STRA6: variants seen among roughly 807,000 people sequenced by gnomAD.
STRA6 encodes the protein receptor for retinol uptake STRA6.
STRA6 carries 48 observed loss-of-function variants against 83.6 expected under a neutral mutation model. That is an observed-to-expected ratio of 0.57 (90% CI 0.46 to 0.73). STRA6 has a LOEUF of 0.73. Ranked by LOEUF, STRA6 falls within the 30% of genes least tolerant of loss-of-function variation. The probability of loss-of-function intolerance (pLI) is 0.00; values close to 1 mark genes in which losing one functional copy is unlikely to be tolerated. For missense variants in STRA6, 760 were observed against 838.8 expected (o/e 0.91, Z 1.16); for synonymous variants, 353 against 362.3 (o/e 0.97, Z 0.29).
chr15:74,209,559 GA>G, upstream of STRA6: 42 of 889,910 alleles, frequency 4.7e-5, no homozygotes, highest in Middle Eastern at 2.4e-4. Flanking sequence ...CAGGGGAAGT[GA>G]AAAAGGCCCC....
upstream of STRA6, among the ~76,000 whole-genome samples, chr15:74,211,802 C>T (rs2074371585): frequency 1.3e-5 from 2 of 152,132 alleles, no homozygotes; most frequent in South Asian, 4.1e-4. Flanking sequence ...CTGTTTCACC[C>T]TCTCTGTGTC....
intron 8 of STRA6, chr15:74,191,725 A>C: frequency 1.7e-6 from 1 of 594,602 alleles, no homozygotes; most frequent in East Asian, 2.8e-5. Context: ...AGAACCATCA[A>C]TGCCAGGAAG....
At chr15:74,181,591 AC>A (rs2072994013) in intron 16 of STRA6, 133 bp from the exon 17 acceptor site, 30 of 1,258,376 alleles carry the variant, frequency 2.4e-5, no homozygotes, top group Non-Finnish European at 3.1e-5. Flanking sequence ...TCTTCTGTGC[AC>A]CCCACCCTGG....
rs764925422 is a variant in STRA6 at position 74,196,054 on chromosome 15, G to A, written c.360C>T (p.Asp120=). 2.5e-6 allele frequency: 4 copies of A among 1,613,868 alleles called. No homozygotes were observed. The highest frequency in any genetic ancestry group is 2.2e-5 in the South Asian group (2 of 91,066). ...GAGTCAGGAAGGGCAATGCGTCCTC[G>A]TCGGGGAGCAGCAAACACAGGGAGC... ...LLSSLCLLLP[D]EDALPFLTLA... Residue 120 remains aspartate (D), a synonymous_variant, in exon 5 of 19, where the codon GAC becomes GAT. Transcript: ENST00000395105.
chr15:74,203,908 G>A, upstream of STRA6, among the ~76,000 whole-genome samples: 1 of 152,092 alleles, frequency 6.6e-6, no homozygotes, highest in East Asian at 1.9e-4. Context: ...TCAGGATGGG[G>A]ATGGGGGTGG....
intron 7 of STRA6, chr15:74,194,808 C>A: frequency 7.7e-7 from 1 of 1,304,870 alleles, no homozygotes; most frequent in Non-Finnish European, 9.7e-7. Flanking sequence ...AAAGCCTGTA[C>A]CATCACTCTT....
chr15:74,184,516 G>A (rs533113539), intron 13 of STRA6, among the ~76,000 whole-genome samples: 30 of 152,316 alleles, frequency 2.0e-4, no homozygotes, highest in African/African-American at 7.2e-4. Flanking sequence ...AAGGTGGCAT[G>A]GCGAGACCCG....
chr15:74,182,312 C>T, intron 15 of STRA6, 31 bp downstream of exon 15: 1 of 1,613,916 alleles, frequency 6.2e-7, no homozygotes, highest in African/African-American at 1.3e-5. Flanking sequence ...TCTAAGGAGT[C>T]CCTGAGCCCT....
chr15:74,184,285 G>A (rs540786150), intron 13 of STRA6, among the ~76,000 whole-genome samples: 1 of 152,346 alleles, frequency 6.6e-6, no homozygotes, highest in South Asian at 2.1e-4. Context: ...ACACAGCACA[G>A]CCAACAGGTA....
chr15:74,205,365 TCAGGAAAC>T (rs2074237083), upstream of STRA6, among the ~76,000 whole-genome samples: 2 of 152,052 alleles, frequency 1.3e-5, no homozygotes, highest in South Asian at 4.1e-4. Flanking sequence ...GGGGAGGGCC[TCAGGAAAC>T]CCACAATCGT....
In STRA6 at chr15:74,180,054, G is replaced by A. The variant is rs2072896093; in HGVS notation, c.*26C>T. 1.2e-6 allele frequency: 2 copies of A among 1,608,198 alleles called. No homozygotes were observed. Among genetic ancestry groups the A allele is most frequent in the Non-Finnish European group, 1.7e-6 (2 of 1,175,550 alleles). Reference sequence around the variant, plus strand: ...GCAGGAACATGCCTCAGCACAGATGGGCAGGTGGGTTGACCTTCCCTGCCC... The same window carrying A: ...GCAGGAACATGCCTCAGCACAGATGAGCAGGTGGGTTGACCTTCCCTGCCC... On this transcript the variant is annotated 3_prime_UTR_variant, in exon 19 of 19. Coordinates refer to ENST00000395105, the MANE Select transcript of STRA6 (RefSeq NM_022369.4).
chr15:74,207,232 C>T (rs1464874582), upstream of STRA6, among the ~76,000 whole-genome samples: 3 of 152,290 alleles, frequency 2.0e-5, no homozygotes, highest in East Asian at 5.8e-4. Context: ...AACAGCAGGC[C>T]AGAAGGAATG....
intron 5 of STRA6, 149 bp from the exon 6 acceptor site, chr15:74,195,824 G>T: frequency 1.0e-6 from 1 of 986,874 alleles, no homozygotes; most frequent in Non-Finnish European, 1.5e-6. Context: ...GGGCTAATAT[G>T]CATACTTTGT....
chr15:74,193,560 G>T (rs2073653655), intron 8 of STRA6, among the ~76,000 whole-genome samples: 1 of 152,170 alleles, frequency 6.6e-6, no homozygotes, highest in South Asian at 2.1e-4. Context: ...GTTCTGCTTT[G>T]TTAAGTCCCT....
At chr15:74,203,086 C>T (rs1232294353), upstream of STRA6, 9 of 985,488 alleles carry the variant, frequency 9.1e-6, no homozygotes, top group East Asian at 5.7e-4. Flanking sequence ...ACCAGCATTA[C>T]AGCAACAACC....
intron 11 of STRA6, among the ~76,000 whole-genome samples, chr15:74,190,511 A>T (rs1168595559): frequency 1.3e-5 from 2 of 152,076 alleles, no homozygotes; most frequent in Non-Finnish European, 2.9e-5. Context: ...GAGGAAAATT[A>T]TTCTATTTTC....
chr15:74,193,976 G>A (rs2073682317), intron 7 of STRA6, 54 bp from the exon 8 acceptor site: 2 of 1,603,524 alleles, frequency 1.2e-6, no homozygotes, highest in African/African-American at 1.3e-5. Context: ...CCCCAGCCAA[G>A]AACCAGAATC....
At chr15:74,181,029 G>C in intron 17 of STRA6, 92 bp from the exon 18 acceptor site, 1 of 1,543,056 alleles carries the variant, frequency 6.5e-7, no homozygotes, top group Non-Finnish European at 8.8e-7. Flanking sequence ...GGGAGTGCAC[G>C]TGCACTCCCT....
At chr15:74,185,530 G>A (rs893864997) in intron 12 of STRA6, among the ~76,000 whole-genome samples, 5 of 152,226 alleles carry the variant, frequency 3.3e-5, no homozygotes, top group African/African-American at 1.2e-4. Context: ...TTCGTTCAGG[G>A]CATAGAGGGT....
Sources: gnomAD v4.1 joint callset for allele counts (sites outside exome capture counted in the v4.1 genomes callset) on GRCh38, gnomAD v4.1.1 for gene constraint, MANE v1.5 for transcripts, NCBI Gene and HGNC (gene_info 2026-07-23, HGNC 2026-07-21) for gene names.